MKLN1: variants seen among roughly 807,000 people sequenced by gnomAD.
MKLN1 encodes the protein muskelin.
A neutral mutation model predicts 99.0 loss-of-function variants in MKLN1; 18 were observed. The observed-to-expected ratio is 0.18, with a 90% CI of 0.13 to 0.27. The LOEUF (loss-of-function observed/expected upper bound fraction) is 0.27, where lower values mean the gene tolerates loss of function less well. Ranked by LOEUF, MKLN1 falls within the 10% of genes least tolerant of loss-of-function variation. MKLN1 has a pLI of 1.00. For missense variants in MKLN1, 621 were observed against 875.9 expected, an observed-to-expected ratio of 0.71 and a Z score of 3.67; for synonymous variants, 288 against 293.2, an observed-to-expected ratio of 0.98 and a Z score of 0.18.
At position 131,400,524 on chromosome 7, in the gene MKLN1, T is replaced by A. The variant is rs897829972; in HGVS notation, c.703+1091T>A. On this transcript the variant is annotated intron_variant, in intron 6 of 17. Transcript: ENST00000352689. ...ATGCTACCAATAAAAAAAAAATATA[T>A]ATATATATATATATATGCCATTTCT... 6.1e-5 allele frequency among the ~76,000 whole-genome samples: 9 copies of A among 147,478 alleles called. No homozygotes were observed. The East Asian group carries it at 1.6e-3, about 26-fold the overall frequency.
intron 1 of MKLN1, among the ~76,000 whole-genome samples, chr7:131,140,200 C>T (rs1008594133): frequency 6.6e-6 from 1 of 152,196 alleles, no homozygotes; most frequent in Non-Finnish European, 1.5e-5. Context: ...CTTGCTCGAT[C>T]TCTTGATAGC....
chr7:131,361,638 T>G (rs1800031881), intron 1 of MKLN1, among the ~76,000 whole-genome samples: 1 of 151,454 alleles, frequency 6.6e-6, no homozygotes, highest in Non-Finnish European at 1.5e-5. Flanking sequence ...CCTTTAACAC[T>G]TAAATCTCTC....
intron 1 of MKLN1, among the ~76,000 whole-genome samples, chr7:131,126,534 A>G (rs1795461966): frequency 6.6e-6 from 1 of 152,186 alleles, no homozygotes; most frequent in African/African-American, 2.4e-5. Context: ...AACAGCCATT[A>G]AATGGTGGTG....
chr7:131,251,510 A>G (rs1584868456), intron 3 of MKLN1, among the ~76,000 whole-genome samples: 2 of 152,240 alleles, frequency 1.3e-5, no homozygotes, highest in African/African-American at 4.8e-5. Context: ...GCTGACCTCC[A>G]TCTCCAAGGT....
At chr7:131,464,499 G>C in intron 14 of MKLN1, 91 bp downstream of exon 14, 1 of 705,812 alleles carries the variant, frequency 1.4e-6, no homozygotes, top group South Asian at 2.4e-5. Context: ...AATTGGATTT[G>C]AGTAAAAAGT....
At chr7:131,387,006 A>C (rs1794049413) in intron 2 of MKLN1, 114 bp from the exon 3 acceptor site, 3 of 924,834 alleles carry the variant, frequency 3.2e-6, no homozygotes, top group Non-Finnish European at 4.7e-6. Flanking sequence ...CTGCTAGTAC[A>C]GGATGGACAA....
chr7:131,333,237 T>C (rs1161247423), intron 1 of MKLN1, among the ~76,000 whole-genome samples: 1 of 151,970 alleles, frequency 6.6e-6, no homozygotes, highest in Non-Finnish European at 1.5e-5. Flanking sequence ...CATGCCTGGC[T>C]AATTTTTTAA....
At chr7:131,207,536 A>C (rs1796831952) in intron 3 of MKLN1, among the ~76,000 whole-genome samples, 1 of 152,198 alleles carries the variant, frequency 6.6e-6, no homozygotes, top group South Asian at 2.1e-4. Context: ...GGATGTTGCC[A>C]AACAGGCATT....
intron 3 of MKLN1, among the ~76,000 whole-genome samples, chr7:131,285,544 T>C (rs940310431): frequency 6.6e-6 from 1 of 152,186 alleles, no homozygotes; most frequent in Non-Finnish European, 1.5e-5. Flanking sequence ...ACTTCTATTT[T>C]CCCTCCTGAC....
chr7:131,429,771 G>A (rs1193119169), intron 9 of MKLN1, among the ~76,000 whole-genome samples: 2 of 152,014 alleles, frequency 1.3e-5, no homozygotes, highest in African/African-American at 2.4e-5. Context: ...TAGTAGAGAC[G>A]GGGTTTCACC....
chr7:131,144,417 A>G (rs1288064951), intron 2 of MKLN1, among the ~76,000 whole-genome samples: 1 of 151,516 alleles, frequency 6.6e-6, no homozygotes, highest in Non-Finnish European at 1.5e-5. Context: ...GGGAGGCGGA[A>G]CTTGCAGTGA....
intron 14 of MKLN1, among the ~76,000 whole-genome samples, 195 bp downstream of exon 14, chr7:131,464,603 G>A (rs1296129633): frequency 6.6e-6 from 1 of 152,212 alleles, no homozygotes; most frequent in African/African-American, 2.4e-5. Flanking sequence ...TACGTAGTCT[G>A]TAATTCTTGG....
intron 10 of MKLN1, among the ~76,000 whole-genome samples, chr7:131,441,877 C>T (rs796654583): frequency 6.6e-6 from 1 of 151,888 alleles, no homozygotes; most frequent in Non-Finnish European, 1.5e-5. Flanking sequence ...AATGTGAGTC[C>T]CTAAAGATTT....
intron 2 of MKLN1, among the ~76,000 whole-genome samples, chr7:131,382,860 A>T (rs575809134): frequency 5.7e-4 from 86 of 151,990 alleles, no homozygotes; most frequent in Non-Finnish European, 1.1e-3. Flanking sequence ...AGTAGCTGGG[A>T]CTACAGGTGC....
chr7:131,349,897 C>G (rs975826780), intron 1 of MKLN1, among the ~76,000 whole-genome samples: 1 of 152,122 alleles, frequency 6.6e-6, no homozygotes, highest in South Asian at 2.1e-4. Flanking sequence ...TCGCTCCATT[C>G]ATTCTTGTGG....
At chr7:131,177,492 A>G (rs905221479) in intron 2 of MKLN1, among the ~76,000 whole-genome samples, 4 of 151,518 alleles carry the variant, frequency 2.6e-5, no homozygotes, top group South Asian at 2.1e-4. Context: ...AAAAGATTGC[A>G]TATTCCCTTT....
intron 1 of MKLN1, among the ~76,000 whole-genome samples, chr7:131,127,152 C>T (rs1219571204): frequency 6.6e-5 from 7 of 105,826 alleles, no homozygotes; most frequent in African/African-American, 2.1e-4. Context: ...GTGACAAGAG[C>T]AAAACTCCAT....
chr7:131,169,691 G>C (rs1292211519), intron 2 of MKLN1, among the ~76,000 whole-genome samples: 1 of 152,150 alleles, frequency 6.6e-6, no homozygotes, highest in Non-Finnish European at 1.5e-5. Flanking sequence ...CAAAAGGAAT[G>C]TATTATCTAG....
chr7:131,377,765 T>C (rs1440583185), intron 2 of MKLN1, among the ~76,000 whole-genome samples: 6 of 152,326 alleles, frequency 3.9e-5, no homozygotes, highest in South Asian at 4.1e-4. Flanking sequence ...TGCCAAACTT[T>C]AGGTATTTGA....
Sources: allele counts gnomAD v4.1 joint callset (sites outside exome capture counted in the v4.1 genomes callset), GRCh38; gene constraint gnomAD v4.1.1; transcripts MANE v1.5; gene names NCBI Gene and HGNC (gene_info 2026-07-23, HGNC 2026-07-21).